FMN1: variants seen among roughly 807,000 people sequenced by gnomAD.
The protein encoded by FMN1 is formin-1.
Under a neutral mutation model 132.4 loss-of-function variants are expected in FMN1, and 110 were observed. The observed-to-expected ratio is 0.83, with a 90% CI of 0.71 to 0.97. The LOEUF (loss-of-function observed/expected upper bound fraction) is 0.97, where lower values mean the gene tolerates loss of function less well. FMN1 is among the 50% of genes least tolerant of loss of function. The probability of loss-of-function intolerance (pLI) is 0.00; values close to 1 mark genes in which losing one functional copy is unlikely to be tolerated. For synonymous variants in FMN1, 722 were observed against 651.7 expected, an observed-to-expected ratio of 1.11 and a Z score of -1.64; for missense variants, 1,792 against 1,705.3, an observed-to-expected ratio of 1.05 and a Z score of -0.90.
chr15:32,991,733 C>G (rs940074706), intron 7 of FMN1, among the ~76,000 whole-genome samples: 4 of 152,080 alleles, frequency 2.6e-5, no homozygotes, highest in African/African-American at 9.7e-5. Context: ...AATTTATTAT[C>G]ACATAATGCA....
chr15:32,904,285 C>T lies in FMN1; in HGVS notation c.3378-2245G>A, dbSNP rs149123318. On this transcript the variant is annotated intron_variant, in intron 12 of 20. Transcript: ENST00000616417. ...TCACGCACAACATGTGAGAAACTGCCGGGAGAGCCCAGATAGGCTGAATGG... is the reference window on the plus strand; with the variant it reads ...TCACGCACAACATGTGAGAAACTGCTGGGAGAGCCCAGATAGGCTGAATGG... Among the ~76,000 whole-genome samples, 485 of 152,004 alleles carry T rather than the reference C, an allele frequency of 3.2e-3. 6 individuals carry two copies. The highest frequency in any genetic ancestry group is 0.03 in the Admixed American group (455 of 15,278).
chr15:33,033,016 A>ATTACTGTT (rs1566847946), intron 6 of FMN1, among the ~76,000 whole-genome samples: 1 of 151,982 alleles, frequency 6.6e-6, no homozygotes, highest in African/African-American at 2.4e-5. Context: ...CTGTTTTACT[A>ATTACTGTT]TTACTGTTTC....
chr15:32,863,166 A>G lies in FMN1; in HGVS notation c.3836-6059T>C, dbSNP rs1158783237. Among the ~76,000 whole-genome samples, 6 of 152,204 alleles carry G rather than the reference A, an allele frequency of 3.9e-5. No homozygotes were observed. The South Asian group carries it at 6.2e-4, about 16-fold the overall frequency. On this transcript the variant is annotated intron_variant, in intron 16 of 20. Transcript: ENST00000616417. ...ATTCAATAAATACATCAGTTCGGCT[A>G]GGCGCGGTGGCTCACGCCTGTAATC... is the stretch of plus-strand genomic sequence containing the variant.
At chr15:32,866,237 GA>G (rs1567294655) in intron 16 of FMN1, among the ~76,000 whole-genome samples, 1 of 113,604 alleles carries the variant, frequency 8.8e-6, no homozygotes, top group African/African-American at 4.0e-5. Context: ...TAAAAAAAAA[GA>G]AAAAAGAAAA....
intron 9 of FMN1, among the ~76,000 whole-genome samples, chr15:32,942,044 T>C (rs2061411705): frequency 1.3e-5 from 2 of 152,156 alleles, no homozygotes; most frequent in Admixed American, 1.3e-4. Flanking sequence ...ACAGGTTGCG[T>C]TAAACCCTAT....
intron 2 of FMN1, among the ~76,000 whole-genome samples, chr15:33,183,108 T>C (rs542988891): frequency 6.6e-6 from 1 of 152,338 alleles, no homozygotes; most frequent in East Asian, 1.9e-4. Context: ...CACGTGCCTC[T>C]TTCCTCTATT....
At position 32,766,816 on chromosome 15, in the gene FMN1, T is replaced by C. The variant is rs1165990288; in HGVS notation, c.*7494A>G. Reference sequence around the variant, plus strand: ...GAAAAAATCTGGGTCTGGGGGAAACTGTAAAGTAGGAAAGAAATAGCCATG... The same window carrying C: ...GAAAAAATCTGGGTCTGGGGGAAACCGTAAAGTAGGAAAGAAATAGCCATG... On this transcript the variant is annotated 3_prime_UTR_variant, in exon 21 of 21. Coordinates refer to ENST00000616417, the MANE Select transcript of FMN1 (RefSeq NM_001277313.2). 6.6e-6 allele frequency: 1 copy of C among 151,962 alleles called. No individual in the cohort carries two copies. Among genetic ancestry groups the C allele is most frequent in the Admixed American group, 6.6e-5 (1 of 15,242 alleles). The allele number at this position is 151,962 out of a possible 1,614,324, so 9.4% of individuals were successfully genotyped here.
chr15:32,954,275 T>TG (rs2140518005), intron 9 of FMN1, among the ~76,000 whole-genome samples: 1 of 152,328 alleles, frequency 6.6e-6, no homozygotes, highest in East Asian at 1.9e-4. Flanking sequence ...TGAACCCCCA[T>TG]GTACCTATGG....
intron 15 of FMN1, among the ~76,000 whole-genome samples, chr15:32,890,577 T>C (rs1484396484): frequency 6.6e-6 from 1 of 152,260 alleles, no homozygotes; most frequent in Non-Finnish European, 1.5e-5. Flanking sequence ...TTTTGGGAAC[T>C]GTCCATTCAT....
intron 10 of FMN1, among the ~76,000 whole-genome samples, chr15:32,915,898 G>A (rs573962196): frequency 6.6e-6 from 1 of 152,318 alleles, no homozygotes; most frequent in East Asian, 1.9e-4. Flanking sequence ...GACACACGCT[G>A]TGAAAAGCTG....
At chr15:33,051,676 A>G (rs138403472) in intron 6 of FMN1, among the ~76,000 whole-genome samples, 2 of 152,310 alleles carry the variant, frequency 1.3e-5, no homozygotes, top group African/African-American at 2.4e-5. Flanking sequence ...ACCTTCCTCT[A>G]GAAACGCTTG....
Position 32,915,836 on chromosome 15 carries a change from C to T in FMN1, c.3227-5301G>A, listed in dbSNP as rs566644161. 5.3e-4 allele frequency among the ~76,000 whole-genome samples: 80 copies of T among 152,342 alleles called. 1 individual carries two copies. In the South Asian group the frequency reaches 0.016, roughly 31 times the overall value. ...TCCTTAGTTGTCCCACTCACACTGT[C>T]AGTTCGGTTAGAATATTTCACCTAC... On this transcript the variant is annotated intron_variant, in intron 10 of 20. Coordinates refer to ENST00000616417, the MANE Select transcript of FMN1 (RefSeq NM_001277313.2).
rs1295753589 is a variant in FMN1, at chr15:32,766,435, C to T, written c.*7875G>A. 6.6e-6 allele frequency: 1 copy of T among 152,114 alleles called. No individual in the cohort carries two copies. The highest frequency in any genetic ancestry group is 1.9e-4 in the East Asian group (1 of 5,182). The allele number at this position is 152,114 out of a possible 1,614,324, so 9.4% of individuals were successfully genotyped here. ...AAAAATCTGGCGTTCTGCATCATAG[C>T]TGGTGACCCGGTCTGATGTACAAAT... is the stretch of plus-strand genomic sequence containing the variant. On this transcript the variant is annotated 3_prime_UTR_variant, in exon 21 of 21. Coordinates refer to ENST00000616417, the MANE Select transcript of FMN1 (RefSeq NM_001277313.2).
At chr15:33,048,644 A>AAAC (rs1555388954) in intron 6 of FMN1, among the ~76,000 whole-genome samples, 3 of 86,920 alleles carry the variant, frequency 3.5e-5, no homozygotes, top group African/African-American at 1.2e-4. Context: ...AAAAAAAAAA[A>AAAC]AAAAACCAAC....
At chr15:33,103,328 C>G (rs1198478997) in intron 4 of FMN1, among the ~76,000 whole-genome samples, 2 of 152,070 alleles carry the variant, frequency 1.3e-5, no homozygotes, top group African/African-American at 4.8e-5. Flanking sequence ...ATGTCCCAGT[C>G]TCCTCTGTGA....
intron 2 of FMN1, among the ~76,000 whole-genome samples, chr15:33,182,968 G>T (rs1289340271): frequency 5.9e-5 from 9 of 152,210 alleles, no homozygotes; most frequent in African/African-American, 1.4e-4. Context: ...TTAGAGCAGC[G>T]AAGGGGCTTG....
intron 10 of FMN1, among the ~76,000 whole-genome samples, chr15:32,924,576 T>A (rs2060911600): frequency 1.3e-5 from 2 of 152,196 alleles, no homozygotes; most frequent in Admixed American, 1.3e-4. Flanking sequence ...ACTGAAACCA[T>A]CTAAGAGATT....
In FMN1 at chr15:33,051,117, A is replaced by G. The variant is rs557470310; in HGVS notation, c.2161+13840T>C. ...AGAAGGCAGAGGGATCGGGGGATATAGAGTGAAGGATGATTTTTGCTTTTT... is the reference window on the plus strand; with the variant it reads ...AGAAGGCAGAGGGATCGGGGGATATGGAGTGAAGGATGATTTTTGCTTTTT... On this transcript the variant is annotated intron_variant, in intron 6 of 20. Transcript: ENST00000616417. 2.0e-5 allele frequency among the ~76,000 whole-genome samples: 3 copies of G among 152,352 alleles called. No individual in the cohort carries two copies. The East Asian group carries it at 5.8e-4, about 29-fold the overall frequency.
At chr15:32,804,260 G>A (rs183914261) in intron 18 of FMN1, 21 bp downstream of exon 18, 63 of 1,545,912 alleles carry the variant, frequency 4.1e-5, no homozygotes, top group Non-Finnish European at 5.2e-5. Context: ...AAAGAACTGG[G>A]GCCAAATCAG....
Sources: gnomAD v4.1 joint callset for allele counts (sites outside exome capture counted in the v4.1 genomes callset) on GRCh38, gnomAD v4.1.1 for gene constraint, MANE v1.5 for transcripts, NCBI Gene and HGNC (gene_info 2026-07-23, HGNC 2026-07-21) for gene names.